KCNH7: variants seen among roughly 807,000 people sequenced by gnomAD.
The protein encoded by KCNH7 is potassium voltage-gated channel subfamily H member 7.
A neutral mutation model predicts 120.8 loss-of-function variants in KCNH7; 49 were observed. That is an observed-to-expected ratio of 0.41 (90% CI 0.32 to 0.51). The LOEUF (loss-of-function observed/expected upper bound fraction) is 0.51. KCNH7 is among the 20% of genes least tolerant of loss of function. The probability of loss-of-function intolerance (pLI) is 0.38; values close to 1 mark genes in which losing one functional copy is unlikely to be tolerated. For synonymous variants in KCNH7, 547 were observed against 516.1 expected, an observed-to-expected ratio of 1.06 and a Z score of -0.81; for missense variants, 1,097 against 1,446.6, an observed-to-expected ratio of 0.76 and a Z score of 3.92.
intron 7 of KCNH7, among the ~76,000 whole-genome samples, chr2:162,438,215 T>C (rs1257983036): frequency 6.6e-6 from 1 of 152,162 alleles, no homozygotes; most frequent in Non-Finnish European, 1.5e-5. Context: ...TAAGTACTAA[T>C]GACTCTGCTG....
chr2:162,831,484 G>GA (rs1351674029), intron 2 of KCNH7, among the ~76,000 whole-genome samples: 1 of 152,142 alleles, frequency 6.6e-6, no homozygotes, highest in African/African-American at 2.4e-5. Context: ...GGAGCTGAGG[G>GA]ATGAAGAAAA....
At chr2:162,798,694 G>GT (rs1370911899) in intron 2 of KCNH7, among the ~76,000 whole-genome samples, 1 of 151,938 alleles carries the variant, frequency 6.6e-6, no homozygotes, top group East Asian at 1.9e-4. Flanking sequence ...CTTTCAAAAT[G>GT]TTTTTTAAAA....
intron 2 of KCNH7, among the ~76,000 whole-genome samples, chr2:162,539,348 G>A (rs567765335): frequency 2.6e-5 from 4 of 152,020 alleles, no homozygotes; most frequent in East Asian, 3.9e-4. Context: ...TTGTGAATTC[G>A]CACATTTGCT....
intron 2 of KCNH7, among the ~76,000 whole-genome samples, chr2:162,631,407 A>G (rs1683763477): frequency 6.6e-6 from 1 of 152,192 alleles, no homozygotes; most frequent in Non-Finnish European, 1.5e-5. Flanking sequence ...GGTGGTTAAG[A>G]CATGGTAAAA....
Position 162,655,412 on chromosome 2 carries a change from C to T in KCNH7, c.308-118332G>A, listed in dbSNP as rs548110833. Reference sequence around the variant, plus strand: ...ACAGATCAAGGTTTTAATCCCAGCTCTGCCATTTATTTGTGGTGAAATCTT... The same window carrying T: ...ACAGATCAAGGTTTTAATCCCAGCTTTGCCATTTATTTGTGGTGAAATCTT... On this transcript the variant is annotated intron_variant, in intron 2 of 15. Transcript: ENST00000332142. 7.9e-4 allele frequency among the ~76,000 whole-genome samples: 120 copies of T among 152,268 alleles called. 2 individuals carry two copies. The South Asian group carries it at 0.013, about 17-fold the overall frequency.
At chr2:162,604,446 C>T (rs755721089) in intron 2 of KCNH7, among the ~76,000 whole-genome samples, 22 of 152,072 alleles carry the variant, frequency 1.4e-4, no homozygotes, top group African/African-American at 2.7e-4. Flanking sequence ...CCCAATCCCA[C>T]GGTTTCAATG....
At chr2:162,439,933 A>G (rs79296897) in intron 7 of KCNH7, among the ~76,000 whole-genome samples, 4,841 of 151,824 alleles carry the variant, frequency 0.032, 273 homozygotes, top group African/African-American at 0.11. Flanking sequence ...GATATTTTAC[A>G]ATAAATCAGG....
chr2:162,445,346 G>A (rs1688543714), intron 7 of KCNH7, among the ~76,000 whole-genome samples: 1 of 152,074 alleles, frequency 6.6e-6, no homozygotes, highest in Non-Finnish European at 1.5e-5. Flanking sequence ...TTCTGTTACA[G>A]AATTCAGAAA....
chr2:162,470,484 T>G (rs1387718683), intron 6 of KCNH7, among the ~76,000 whole-genome samples: 1 of 151,092 alleles, frequency 6.6e-6, no homozygotes, highest in African/African-American at 2.4e-5. Context: ...CCGCCCTGTC[T>G]GAGAAGTGAG....
chr2:162,766,493 C>T (rs1332778668), intron 2 of KCNH7, among the ~76,000 whole-genome samples: 1 of 151,954 alleles, frequency 6.6e-6, no homozygotes, highest in Non-Finnish European at 1.5e-5. Flanking sequence ...AGTCTAAATT[C>T]CAGAAGTGAT....
At chr2:162,694,460 G>C (rs1448502388) in intron 2 of KCNH7, among the ~76,000 whole-genome samples, 5 of 149,564 alleles carry the variant, frequency 3.3e-5, no homozygotes, top group Non-Finnish European at 5.9e-5. Context: ...GCTGGTGCGT[G>C]TGGGTATGTG....
intron 11 of KCNH7, among the ~76,000 whole-genome samples, chr2:162,395,541 A>T (rs915289085): frequency 1.3e-5 from 2 of 151,756 alleles, no homozygotes; most frequent in African/African-American, 4.8e-5. Context: ...CTAAACTTTT[A>T]TATAAAGAAG....
intron 14 of KCNH7, 51 bp downstream of exon 14, chr2:162,379,802 C>A: frequency 6.4e-7 from 1 of 1,562,054 alleles, no homozygotes; most frequent in Non-Finnish European, 8.7e-7. Context: ...TAAAACTGGA[C>A]CCATGTAAGG....
chr2:162,829,433 A>G (rs976580858), intron 2 of KCNH7, among the ~76,000 whole-genome samples: 6 of 152,280 alleles, frequency 3.9e-5, no homozygotes, highest in South Asian at 2.1e-4. Context: ...TAAAATGCCA[A>G]TAGAGTGTGT....
chr2:162,546,890 G>A lies in KCNH7; in HGVS notation c.308-9810C>T, dbSNP rs371836534. Among the ~76,000 whole-genome samples, 79 of 152,200 alleles carry A rather than the reference G, an allele frequency of 5.2e-4. 3 individuals are homozygous for A. In the South Asian group the frequency reaches 5.6e-3, roughly 11 times the overall value. ...AGTCCACTCCTGGGGGTGTGATGGA[G>A]TGTCTGAAGAGAGGACAAGTAATGC... On this transcript the variant is annotated intron_variant, in intron 2 of 15. Transcript: ENST00000332142.
chr2:162,418,149 G>A (rs942418494), intron 9 of KCNH7, among the ~76,000 whole-genome samples: 2 of 152,064 alleles, frequency 1.3e-5, no homozygotes, highest in Non-Finnish European at 2.9e-5. Flanking sequence ...AGTGCATTGT[G>A]CAAAACTATT....
At chr2:162,542,453 A>G (rs2105839304) in intron 2 of KCNH7, among the ~76,000 whole-genome samples, 1 of 116,522 alleles carries the variant, frequency 8.6e-6, no homozygotes, top group Non-Finnish European at 1.6e-5. Context: ...TCCTGTGTCC[A>G]TGTGTTCTCA....
intron 12 of KCNH7, among the ~76,000 whole-genome samples, chr2:162,392,446 T>C (rs1686773078): frequency 6.6e-6 from 1 of 151,782 alleles, no homozygotes; most frequent in Non-Finnish European, 1.5e-5. Flanking sequence ...TGATCTCTTC[T>C]AGAAAGAGTA....
Position 162,629,195 on chromosome 2 carries a change from A to C in KCNH7, c.308-92115T>G, listed in dbSNP as rs569852003. ...AATACCCTCATGTATGGCCGTGGTG[A>C]GTGGTCCCAAGTAGTTATGCTTCCA... On this transcript the variant is annotated intron_variant, in intron 2 of 15. Transcript: ENST00000332142. 2.0e-5 allele frequency among the ~76,000 whole-genome samples: 3 copies of C among 152,164 alleles called. No individual in the cohort carries two copies. The South Asian group carries it at 6.2e-4, about 32-fold the overall frequency.
Sources: allele counts gnomAD v4.1 joint callset (sites outside exome capture counted in the v4.1 genomes callset), GRCh38; gene constraint gnomAD v4.1.1; transcripts MANE v1.5; gene names NCBI Gene and HGNC (gene_info 2026-07-23, HGNC 2026-07-21).